IGF2R: variants seen among roughly 807,000 people sequenced by gnomAD.
IGF2R encodes insulin like growth factor 2 receptor.
Under a neutral mutation model 270.6 loss-of-function variants are expected in IGF2R, and 91 were observed. That is an observed-to-expected ratio of 0.34 (90% CI 0.28 to 0.40). IGF2R has a LOEUF of 0.40. Ranked by LOEUF, IGF2R falls within the 10% of genes least tolerant of loss-of-function variation. The pLI, the probability that IGF2R is intolerant of heterozygous loss-of-function variation, is 1.00. For synonymous variants in IGF2R, 1,316 were observed against 1,258.9 expected (o/e 1.05, Z -0.96); for missense variants, 2,805 against 3,188.3 (o/e 0.88, Z 2.90).
At chr6:160,051,204 G>A (rs986688685) in intron 19 of IGF2R, among the ~76,000 whole-genome samples, 8 of 152,226 alleles carry the variant, frequency 5.3e-5, no homozygotes, top group African/African-American at 1.4e-4. Flanking sequence ...GATAGGGGAT[G>A]TAGACAGTTC....
chr6:159,970,103 T>C (rs778325312), intron 1 of IGF2R, among the ~76,000 whole-genome samples: 7 of 152,144 alleles, frequency 4.6e-5, no homozygotes, highest in Admixed American at 1.3e-4. Context: ...CGGGGCGGAT[T>C]ATTCTAGTGG....
At chr6:160,067,203 T>G (rs920797417) in intron 29 of IGF2R, among the ~76,000 whole-genome samples, 1 of 152,150 alleles carries the variant, frequency 6.6e-6, no homozygotes. Context: ...ATGTCGGGCT[T>G]ATGTGCCTCG....
At chr6:159,979,957 C>T (rs762744000) in intron 1 of IGF2R, among the ~76,000 whole-genome samples, 15 of 151,942 alleles carry the variant, frequency 9.9e-5, no homozygotes, top group Admixed American at 2.0e-4. Context: ...TTTGGGAGGC[C>T]GAGGCGGGTG....
intron 1 of IGF2R, among the ~76,000 whole-genome samples, chr6:159,980,529 G>A (rs1007690811): frequency 6.6e-6 from 1 of 152,212 alleles, no homozygotes; most frequent in African/African-American, 2.4e-5. Context: ...GTTAGGCTTT[G>A]CGGAGCCTCT....
Position 160,102,445 on chromosome 6 carries a change from C to T in IGF2R, c.6843-74C>T, listed in dbSNP as rs949780780. 3 of 1,523,780 alleles carry T rather than the reference C, an allele frequency of 2.0e-6. No individual in the cohort carries two copies. The highest frequency in any genetic ancestry group is 1.7e-5 in the Admixed American group (1 of 57,174). 94.4% of individuals were successfully genotyped at this position (1,523,780 alleles called of 1,614,324 possible). ...GTCAGAGCTGCTCTTGCCTTGGGGA[C>T]TCAGGTCTCAGGTTGTGGCTGTGGC... On this transcript the variant is annotated intron_variant, in intron 45 of 47. Coordinates refer to ENST00000356956, the MANE Select transcript of IGF2R (RefSeq NM_000876.4). The surrounding 1 kb of genome is among the most constrained non-coding windows in gnomAD (Gnocchi z 4.5).
chr6:160,070,863 C>T (rs1259253646), intron 31 of IGF2R, among the ~76,000 whole-genome samples: 1 of 152,180 alleles, frequency 6.6e-6, no homozygotes, highest in African/African-American at 2.4e-5. Context: ...TTGCCTGGAG[C>T]GGCAGGGAAG....
At chr6:160,002,247 C>T (rs180957169) in intron 2 of IGF2R, among the ~76,000 whole-genome samples, 35 of 152,028 alleles carry the variant, frequency 2.3e-4, no homozygotes, top group Non-Finnish European at 4.1e-4. Context: ...AAAAATTAGC[C>T]AGGCATGGTG....
chr6:159,985,079 T>G (rs1268788958), intron 1 of IGF2R, among the ~76,000 whole-genome samples: 1 of 152,222 alleles, frequency 6.6e-6, no homozygotes, highest in Non-Finnish European at 1.5e-5. Context: ...TCTATATGAC[T>G]AGCATTTTAT....
At chr6:160,046,058 T>C (rs1048511292) in intron 14 of IGF2R, among the ~76,000 whole-genome samples, 176 bp downstream of exon 14, 1 of 152,238 alleles carries the variant, frequency 6.6e-6, no homozygotes, top group African/African-American at 2.4e-5. Flanking sequence ...GAAAATACTA[T>C]CTTAAATTCA....
At chr6:160,039,238 A>C (rs1331957195) in intron 10 of IGF2R, among the ~76,000 whole-genome samples, 1 of 152,206 alleles carries the variant, frequency 6.6e-6, no homozygotes, top group Non-Finnish European at 1.5e-5. Flanking sequence ...ATAGCATGTG[A>C]GTGTACTGAA....
intron 4 of IGF2R, among the ~76,000 whole-genome samples, chr6:160,023,452 G>C (rs1283265712): frequency 1.3e-5 from 2 of 152,136 alleles, no homozygotes; most frequent in Admixed American, 1.3e-4. Flanking sequence ...ATGGTTTTGT[G>C]TATCCAAGTG....
At chr6:160,013,892 A>G (rs1777208646) in intron 4 of IGF2R, among the ~76,000 whole-genome samples, 1 of 152,208 alleles carries the variant, frequency 6.6e-6, no homozygotes, top group African/African-American at 2.4e-5. Flanking sequence ...GCTTGGTATG[A>G]TAAGTTTAAA....
intron 15 of IGF2R, 31 bp from the exon 16 acceptor site, chr6:160,047,128 C>G: frequency 1.9e-6 from 3 of 1,607,580 alleles, no homozygotes; most frequent in Non-Finnish European, 2.6e-6. Context: ...CCCCTCAGGT[C>G]TTTGCTGAGA....
Position 160,035,030 on chromosome 6 carries a change from C to T in IGF2R, c.1315+508C>T, listed in dbSNP as rs77309692. Reference sequence around the variant, plus strand: ...GCATTTCTCTGAGTAATGAGAAGCACCCTTGAGTCACCAAGGCACTGGCAT... The same window carrying T: ...GCATTTCTCTGAGTAATGAGAAGCATCCTTGAGTCACCAAGGCACTGGCAT... On this transcript the variant is annotated intron_variant, in intron 10 of 47. Transcript: ENST00000356956. Among the ~76,000 whole-genome samples the T allele has an allele frequency of 4.7e-3, 719 of 152,272 alleles. 7 individuals are homozygous for T. Among genetic ancestry groups the T allele is most frequent in the African/African-American group, 0.016 (676 of 41,548 alleles).
intron 1 of IGF2R, among the ~76,000 whole-genome samples, chr6:159,989,238 C>T (rs369325782): frequency 1.2e-4 from 19 of 152,134 alleles, no homozygotes; most frequent in South Asian, 6.2e-4. Flanking sequence ...CTTGGCGCCT[C>T]GTCTTCCAGT....
chr6:160,090,237 T>C (rs796631462), intron 44 of IGF2R, 134 bp downstream of exon 44: 12 of 571,978 alleles, frequency 2.1e-5, no homozygotes, highest in African/African-American at 1.9e-4. Flanking sequence ...TTCTTTACTT[T>C]GTTATGAATT....
At chr6:160,085,189 G>A (rs1169847847) in intron 41 of IGF2R, 58 bp downstream of exon 41, 1 of 1,574,934 alleles carries the variant, frequency 6.3e-7, no homozygotes, top group Non-Finnish European at 8.7e-7. Context: ...CCGGGAAGGT[G>A]AGGGTGTTCT....
rs773573943 is a variant in IGF2R, at chr6:160,102,643, G to A, written c.6967G>A (p.Ala2323Thr). Reference sequence around the variant, plus strand: ...GGTGGCGCTCACCTGCTGCCTGCTGGCCCTGTTGCTCTACAAGAAGGAGAG... The same window carrying A: ...GGTGGCGCTCACCTGCTGCCTGCTGACCCTGTTGCTCTACAAGAAGGAGAG... ...LLVALTCCLLALLLYKKERRE... is the reference protein window; with the variant it reads ...LLVALTCCLLTLLLYKKERRE... Residue 2323 changes from alanine (A) to threonine (T), a missense_variant, in exon 46 of 48, where the codon GCC (alanine) becomes ACC (threonine). Transcript: ENST00000356956. The surrounding 1 kb of genome is among the most constrained non-coding windows in gnomAD (Gnocchi z 4.5). 3 of 1,610,406 alleles carry A rather than the reference G, an allele frequency of 1.9e-6. No individual in the cohort carries two copies. Among genetic ancestry groups the A allele is most frequent in the Middle Eastern group, 1.7e-4 (1 of 6,002 alleles).
At chr6:160,041,797 T>C (rs541821316) in intron 11 of IGF2R, among the ~76,000 whole-genome samples, 63 of 152,202 alleles carry the variant, frequency 4.1e-4, no homozygotes, top group Admixed American at 2.9e-3. Flanking sequence ...CTGGGAACGG[T>C]GCCATAGTTA....
Sources: gnomAD v4.1 joint callset for allele counts (sites outside exome capture counted in the v4.1 genomes callset) on GRCh38, gnomAD v4.1.1 for gene constraint, Gnocchi (gnomAD v3.1) non-coding constraint, MANE v1.5 for transcripts, NCBI Gene and HGNC (gene_info 2026-07-23, HGNC 2026-07-21) for gene names.